The following DIP2A variants were observed in gnomAD, a reference collection of about 807,000 sequenced individuals.
The protein encoded by DIP2A is DIP2 acetate--CoA ligase A, also known as disco-interacting protein 2 homolog A.
A neutral mutation model predicts 177.4 loss-of-function variants in DIP2A; 85 were observed. The observed-to-expected ratio is 0.48, with a 90% confidence interval of 0.40 to 0.57. DIP2A has a LOEUF of 0.57. Among genes scored for constraint, DIP2A ranks in the 20% least tolerant of loss-of-function variants. The probability of loss-of-function intolerance (pLI) is 0.00; values close to 1 mark genes in which losing one functional copy is unlikely to be tolerated. For synonymous variants in DIP2A, 886 were observed against 881.8 expected (o/e 1.00, Z -0.08); for missense variants, 1,791 against 2,100.2 (o/e 0.85, Z 2.88).
intron 13 of DIP2A, among the ~76,000 whole-genome samples, chr21:46,536,759 C>T (rs1244239501): frequency 6.6e-6 from 1 of 152,062 alleles, no homozygotes; most frequent in Admixed American, 6.5e-5. Flanking sequence ...CAAAAATTAG[C>T]CAGGCATGGC....
rs2148758434 is a variant in DIP2A at position 46,532,191 on chromosome 21, T to A, written c.1259T>A (p.Leu420Gln). 2.5e-6 allele frequency: 4 copies of A among 1,614,014 alleles called. No homozygotes were observed. The Middle Eastern group carries it at 6.6e-4, about 266-fold the overall frequency. ...ATGGTTGCATTTTATGGGTGTCTCC[T>A]GGCAGAGCTGGTTCCTGTCCCCATA... ...MFMVAFYGCL[L>Q]AELVPVPIEV... The change falls in exon 10 of 38, where the codon CTG (leucine) becomes CAG (glutamine). Residue 420 changes from leucine (L) to glutamine (Q), a missense_variant. By Grantham distance (113) the Leu-to-Gln change is moderately radical. Transcript: ENST00000417564.
intron 1 of DIP2A, among the ~76,000 whole-genome samples, chr21:46,483,889 T>C (rs1359779601): frequency 1.3e-5 from 2 of 152,276 alleles, no homozygotes; most frequent in Admixed American, 6.5e-5. Context: ...CTAAATAAAG[T>C]CTTCACATCA....
the DIP2A span, among the ~76,000 whole-genome samples, chr21:46,577,874 T>A: frequency 6.6e-6 from 1 of 152,212 alleles, no homozygotes; most frequent in South Asian, 2.1e-4. Context: ...TATTCCTAGG[T>A]ATTTTATTCT....
chr21:46,556,990 G>A lies in DIP2A; in HGVS notation c.3550G>A (p.Glu1184Lys). 1 of 1,601,704 alleles carries A rather than the reference G, an allele frequency of 6.2e-7. No individual in the cohort carries two copies. The highest frequency in any genetic ancestry group is 8.5e-7 in the Non-Finnish European group (1 of 1,173,972). Residue 1184 changes from glutamate (E) to lysine (K), a missense_variant, in exon 30 of 38, where the codon GAG becomes AAG. Physicochemically the swap from Glu to Lys is moderately conservative, Grantham distance 56. Transcript: ENST00000417564. This position sits in a 1 kb window ranked among gnomAD's most constrained non-coding sequence, Gnocchi z 4.5. ...ATGCCGCTCCATAAAGCTGCAGTGT[G>A]AGCTGTACCCCTCGCGGCAGATCGC... is the stretch of plus-strand genomic sequence containing the variant. ...ALCRSIKLQC[E>K]LYPSRQIAIC...
chr21:46,525,775 C>G (rs1323243934), intron 8 of DIP2A: 4 of 151,872 alleles, frequency 2.6e-5, no homozygotes, highest in East Asian at 3.9e-4. Context: ...ATTTCTGGAT[C>G]CACTTTAGAA....
intron 1 of DIP2A, among the ~76,000 whole-genome samples, chr21:46,480,827 T>C (rs1443207983): frequency 6.6e-6 from 1 of 152,240 alleles, no homozygotes; most frequent in Non-Finnish European, 1.5e-5. Context: ...GATTGGAACC[T>C]GCCGGGCCCT....
rs2060742240 is a variant in DIP2A, at chr21:46,563,636, C to T, written c.4090-222C>T. ...CCCTCCTGACACCCAGAGACGGGATCCCTTCTCAGGAACTGGAGTCATTTT... is the reference window on the plus strand; with the variant it reads ...CCCTCCTGACACCCAGAGACGGGATTCCTTCTCAGGAACTGGAGTCATTTT... On this transcript the variant is annotated intron_variant, in intron 34 of 37. Coordinates refer to ENST00000417564, the MANE Select transcript of DIP2A (RefSeq NM_015151.4). This position sits in a 1 kb window ranked among gnomAD's most constrained non-coding sequence, Gnocchi z 4.3. 1 of 712,832 alleles carries T rather than the reference C, an allele frequency of 1.4e-6. No homozygotes were observed. The highest frequency in any genetic ancestry group is 2.1e-5 in the South Asian group (1 of 48,014). The allele number at this position is 712,832 out of a possible 1,614,324, so 44.2% of individuals were successfully genotyped here.
chr21:46,474,276 C>G (rs983970128), intron 1 of DIP2A, among the ~76,000 whole-genome samples: 1 of 152,160 alleles, frequency 6.6e-6, no homozygotes, highest in East Asian at 1.9e-4. Context: ...TGGTGGGACC[C>G]AGAGTGCATT....
Position 46,538,510 on chromosome 21 carries a change from A to G in DIP2A, c.1829A>G (p.Asp610Gly). ...CGGGCCGCGCTGGTGAAGTCGCGAG[A>G]CATGCACTGGTCTCTCCTAGCTCAG... ...KARAALVKSR[D>G]MHWSLLAQRG... The change falls in exon 16 of 38, where the codon GAC becomes GGC. Residue 610 changes from aspartate (D) to glycine (G), a missense_variant. By Grantham distance (94) the Asp-to-Gly change is moderately conservative. Coordinates refer to ENST00000417564, the MANE Select transcript of DIP2A (RefSeq NM_015151.4). 1.3e-6 allele frequency: 2 copies of G among 1,554,112 alleles called. No homozygotes were observed. Among genetic ancestry groups the G allele is most frequent in the Non-Finnish European group, 1.7e-6 (2 of 1,151,968 alleles).
chr21:46,559,830 T>C (rs2060606238), intron 32 of DIP2A, among the ~76,000 whole-genome samples: 1 of 152,200 alleles, frequency 6.6e-6, no homozygotes, highest in Non-Finnish European at 1.5e-5. Context: ...TTGGCCTCTG[T>C]CAGCCCAACA....
At position 46,557,230 on chromosome 21, in the gene DIP2A, A is replaced by G; in HGVS notation, c.3629+161A>G. On this transcript the variant is annotated intron_variant, in intron 30 of 37. Coordinates refer to ENST00000417564, the MANE Select transcript of DIP2A (RefSeq NM_015151.4). The surrounding 1 kb of genome is among the most constrained non-coding windows in gnomAD (Gnocchi z 6.0). Reference sequence around the variant, plus strand: ...AAGTGGGTTGGAGTCTGAGTCTGAAATTGAGTGAAAATACATTTTTCATTA... The same window carrying G: ...AAGTGGGTTGGAGTCTGAGTCTGAAGTTGAGTGAAAATACATTTTTCATTA... 2 of 777,676 alleles carry G rather than the reference A, an allele frequency of 2.6e-6. No homozygotes were observed. The highest frequency in any genetic ancestry group is 4.0e-6 in the Non-Finnish European group (2 of 503,850). The allele number at this position is 777,676 out of a possible 1,614,324, so 48.2% of individuals were successfully genotyped here.
downstream of DIP2A, among the ~76,000 whole-genome samples, chr21:46,572,456 T>G (rs2060975264): frequency 6.6e-6 from 1 of 152,324 alleles, no homozygotes; most frequent in South Asian, 2.1e-4. Flanking sequence ...ATGATTTGAG[T>G]GACCCCCAAT....
In DIP2A at chr21:46,490,639, G is replaced by A; in HGVS notation, c.203G>A (p.Gly68Glu). The A allele has an allele frequency of 6.3e-7, 1 of 1,585,068 alleles. No homozygotes were observed. The highest frequency in any genetic ancestry group is 8.6e-7 in the Non-Finnish European group (1 of 1,165,596). Reference protein sequence around the residue: ...PSLQAENRIPGPSQTTAAAPK... With the variant: ...PSLQAENRIPEPSQTTAAAPK... ...CTGCAAGCAGAGAATAGAATTCCTG[G>A]GCCCTCACAAACCACGGCCGCTGCA... Residue 68 changes from glycine to glutamate, a missense_variant, in exon 3 of 38, where the codon GGG becomes GAG. Transcript: ENST00000417564.
rs1239878840 is a variant in DIP2A, at chr21:46,546,140, C to G, written c.2394+179C>G. On this transcript the variant is annotated intron_variant, in intron 20 of 37. Transcript: ENST00000417564. ...CCTGTGTGCAGGGCCATCCACACCT[C>G]CGAGACTGGTGCACAGTCCTGCACA... 8.3e-6 allele frequency: 12 copies of G among 1,453,392 alleles called. No individual in the cohort carries two copies. In the Admixed American group the frequency reaches 1.6e-4, roughly 20 times the overall value. The allele number at this position is 1,453,392 out of a possible 1,614,324, so 90.0% of individuals were successfully genotyped here.
chr21:46,500,583 A>G (rs939877060), intron 5 of DIP2A, among the ~76,000 whole-genome samples: 22 of 152,240 alleles, frequency 1.4e-4, no homozygotes, highest in Middle Eastern at 3.2e-3. Context: ...TCTAGGTGAG[A>G]TGGTGCAGGA....
the DIP2A span, among the ~76,000 whole-genome samples, chr21:46,582,299 G>A: frequency 4.5e-4 from 68 of 152,292 alleles, no homozygotes; most frequent in African/African-American, 1.6e-3. Flanking sequence ...CGCACCAGCA[G>A]AGGAAAACGG....
At chr21:46,484,374 C>T (rs992666030) in intron 1 of DIP2A, among the ~76,000 whole-genome samples, 8 of 152,218 alleles carry the variant, frequency 5.3e-5, no homozygotes, top group Admixed American at 6.5e-5. Flanking sequence ...ACACTCCCAA[C>T]GTAGAACAGT....
chr21:46,557,247 T>G lies in DIP2A; in HGVS notation c.3629+178T>G, dbSNP rs547611983. The G allele has an allele frequency of 4.5e-5, 32 of 707,162 alleles. No individual in the cohort carries two copies. The African/African-American group carries it at 5.0e-4, about 11-fold the overall frequency. 43.8% of individuals were successfully genotyped at this position (707,162 alleles called of 1,614,324 possible). On this transcript the variant is annotated intron_variant, in intron 30 of 37. Coordinates refer to ENST00000417564, the MANE Select transcript of DIP2A (RefSeq NM_015151.4). The surrounding 1 kb of genome is among the most constrained non-coding windows in gnomAD (Gnocchi z 6.0). ...AGTCTGAAATTGAGTGAAAATACAT[T>G]TTTCATTAAATACACTGTCCGTTAT...
At chr21:46,493,960 G>A (rs1009355653) in intron 3 of DIP2A, among the ~76,000 whole-genome samples, 1 of 151,934 alleles carries the variant, frequency 6.6e-6, no homozygotes, top group African/African-American at 2.4e-5. Context: ...CTTCCCATAT[G>A]GTTTCATAGC....
Sources: allele counts gnomAD v4.1 joint callset (sites outside exome capture counted in the v4.1 genomes callset), GRCh38; gene constraint gnomAD v4.1.1; non-coding constraint Gnocchi (gnomAD v3.1); transcripts MANE v1.5; gene names NCBI Gene and HGNC (gene_info 2026-07-23, HGNC 2026-07-21).